Variants in DOCK6 observed in about 807,000 individuals in gnomAD.
DOCK6 encodes the protein dedicator of cytokinesis protein 6.
Under a neutral mutation model 230.3 loss-of-function variants are expected in DOCK6, and 167 were observed. The ratio of observed to expected loss-of-function variants is 0.73; its 90% CI spans 0.64 to 0.82. The LOEUF is 0.82. Ranked by LOEUF, DOCK6 falls within the 40% of genes least tolerant of loss-of-function variation. The probability of loss-of-function intolerance (pLI) is 0.00; values close to 1 mark genes in which losing one functional copy is unlikely to be tolerated. For missense variants in DOCK6, 2,598 were observed against 2,825.8 expected (o/e 0.92, Z 1.83); for synonymous variants, 1,148 against 1,185.0 (o/e 0.97, Z 0.64).
In DOCK6 at chr19:11,250,855, T is replaced by A. The variant is rs200387573; in HGVS notation, c.720+19A>T. ...CCCAGTAAATGCTGGTTGGCTGATA[T>A]CTGGGAAGGGGCACCCACCTCGTCA... On this transcript the variant is annotated intron_variant, in intron 6 of 47. Coordinates refer to ENST00000294618, the MANE Select transcript of DOCK6 (RefSeq NM_020812.4). 2 of 1,590,906 alleles carry A rather than the reference T, an allele frequency of 1.3e-6. No homozygotes were observed. Among genetic ancestry groups the A allele is most frequent in the African/African-American group, 2.7e-5 (2 of 74,598 alleles).
chr19:11,202,569 A>T lies in DOCK6; in HGVS notation c.5361+15T>A, dbSNP rs368317600. On this transcript the variant is annotated intron_variant, in intron 42 of 47. Transcript: ENST00000294618. This position sits in a 1 kb window ranked among gnomAD's most constrained non-coding sequence, Gnocchi z 5.3. ...AGCCCCATGCCCCGTTCCACCCCCA[A>T]CCACAAGGACGTGCCTCCAGCCGGT... 12 of 1,613,758 alleles carry T rather than the reference A, an allele frequency of 7.4e-6. No homozygotes were observed. Among genetic ancestry groups the T allele is most frequent in the Non-Finnish European group, 1.0e-5 (12 of 1,179,876 alleles).
intron 37 of DOCK6, 32 bp from the exon 38 acceptor site, chr19:11,209,135 G>C (rs2079318500): frequency 1.3e-6 from 2 of 1,592,792 alleles, no homozygotes; most frequent in Admixed American, 1.7e-5. Flanking sequence ...ATGTGAGGAG[G>C]GGACTCACCT....
chr19:11,240,222 A>G (rs371470325), intron 14 of DOCK6: 2 of 1,571,328 alleles, frequency 1.3e-6, no homozygotes, highest in Non-Finnish European at 1.7e-6. Context: ...GCTACGGGAC[A>G]GCGTGCAGCG....
chr19:11,253,723 C>T lies in DOCK6; in HGVS notation c.48G>A (p.Thr16=), dbSNP rs1465149614. Residue 16 remains threonine (T), a synonymous_variant, in exon 2 of 48, where the codon ACG becomes ACA. Transcript: ENST00000294618. ...CCTGCTTCCGCACCTCTGCGGCCACCGTCCTGGAAAGATAGGGAGGGGGCC... is the reference window on the plus strand; with the variant it reads ...CCTGCTTCCGCACCTCTGCGGCCACTGTCCTGGAAAGATAGGGAGGGGGCC... ...RRAFAHKINR[T]VAAEVRKQVS... is the part of the protein sequence containing the mutation. 49 of 1,472,466 alleles carry T rather than the reference C, an allele frequency of 3.3e-5. No individual in the cohort carries two copies. The Middle Eastern group carries it at 7.0e-4, about 21-fold the overall frequency. 91.2% of individuals were successfully genotyped at this position (1,472,466 alleles called of 1,614,324 possible).
chr19:11,218,766 C>T (rs980265773), intron 28 of DOCK6, among the ~76,000 whole-genome samples: 4 of 149,772 alleles, frequency 2.7e-5, no homozygotes, highest in Non-Finnish European at 5.9e-5. Flanking sequence ...ATTACTATAG[C>T]ATCAATCAGC....
Position 11,240,440 on chromosome 19 carries a change from T to A in DOCK6, c.1643+1605A>T, listed in dbSNP as rs2079925029. 8.5e-6 allele frequency: 7 copies of A among 824,340 alleles called. No individual in the cohort carries two copies. In the South Asian group the frequency reaches 1.5e-4, roughly 18 times the overall value. The allele number at this position is 824,340 out of a possible 1,614,324, so 51.1% of individuals were successfully genotyped here. A position where few individuals can be genotyped will look rare whatever the true frequency, so the allele number is the denominator to read the frequency against. On this transcript the variant is annotated intron_variant, in intron 14 of 47. Transcript: ENST00000294618. Reference sequence around the variant, plus strand: ...TGCATGTCCCCAGACAAAACTCAAGTCCTTTTGTGTGCCTCAGTTTCCCTT... The same window carrying A: ...TGCATGTCCCCAGACAAAACTCAAGACCTTTTGTGTGCCTCAGTTTCCCTT...
intron 14 of DOCK6, chr19:11,241,345 C>G (rs1363732103): frequency 1.4e-6 from 1 of 735,306 alleles, no homozygotes; most frequent in African/African-American, 1.8e-5. Context: ...GCATTGTTGA[C>G]TTGCTGGGTC....
At chr19:11,218,814 A>G (rs936516507) in intron 28 of DOCK6, among the ~76,000 whole-genome samples, 12 of 150,430 alleles carry the variant, frequency 8.0e-5, no homozygotes, top group African/African-American at 2.9e-4. Context: ...ATGCTGTTCT[A>G]AGGACTTTAA....
chr19:11,214,790 T>C, intron 32 of DOCK6, 141 bp from the exon 33 acceptor site: 1 of 734,084 alleles, frequency 1.4e-6, no homozygotes. Context: ...TTTTTTGTTT[T>C]CTGAGACAGG....
rs145081732 is a variant in DOCK6, at chr19:11,221,884, G to A, written c.3517C>T (p.Arg1173Trp). ...ELYLPLLSIA[R>W]DTLPRLHDFA... ...TCATGCAGCCGTGGCAAGGTATCCC[G>A]TGCAATCGATAGCAGTGGCAGGTAC... The change falls in exon 28 of 48, where the codon CGG (arginine) becomes TGG (tryptophan). Residue 1173 changes from arginine (R) to tryptophan (W), a missense_variant. By Grantham distance (101) the Arg-to-Trp change is moderately radical. Transcript: ENST00000294618. The A allele has an allele frequency of 2.5e-3, 4,080 of 1,613,782 alleles. 8 individuals are homozygous for A. The highest frequency in any genetic ancestry group is 8.4e-3 in the Middle Eastern group (51 of 6,062).
chr19:11,214,622 G>C lies in DOCK6; in HGVS notation c.4134C>G (p.Ala1378=). The C allele has an allele frequency of 6.2e-7, 1 of 1,613,810 alleles. No homozygotes were observed. The highest frequency in any genetic ancestry group is 8.5e-7 in the Non-Finnish European group (1 of 1,179,870). ...CGGTTGCCAGGTTCCCTTCCACCAA[G>C]GCCTCGTGTTCCATTTCATCCTTGG... The part of the protein sequence containing the change: ...DKTKDEMEHE[A]LVEGNLATEA... The change falls in exon 33 of 48, where the codon GCC becomes GCG. Residue 1378 remains alanine, a synonymous_variant. Coordinates refer to ENST00000294618, the MANE Select transcript of DOCK6 (RefSeq NM_020812.4).
chr19:11,227,570 G>A (rs986619120), intron 23 of DOCK6, 93 bp from the exon 24 acceptor site: 3 of 1,452,766 alleles, frequency 2.1e-6, no homozygotes, highest in African/African-American at 2.9e-5. Context: ...GCTGTGGGTG[G>A]GGCTTGAAGG....
chr19:11,221,542 G>C, intron 28 of DOCK6: 1 of 313,792 alleles, frequency 3.2e-6, no homozygotes, highest in Non-Finnish European at 5.9e-6. Context: ...GCTCTTCTTA[G>C]AAAATAATAA....
At chr19:11,214,497 C>G (rs2079446855) in intron 33 of DOCK6, 56 bp downstream of exon 33, 1 of 1,613,280 alleles carries the variant, frequency 6.2e-7, no homozygotes, top group African/African-American at 1.3e-5. Context: ...AGTCAGAGAC[C>G]ACAGGGCACT....
Position 11,245,857 on chromosome 19 carries a change from G to A in DOCK6, c.828C>T (p.Pro276=). Residue 276 remains proline (P), a synonymous_variant, in exon 8 of 48, where the codon CCC becomes CCT. Coordinates refer to ENST00000294618, the MANE Select transcript of DOCK6 (RefSeq NM_020812.4). The part of the protein sequence containing the change: ...LSLKFEIEIE[P]IFGILALYDV... ...CATACAGAGCCAAGATCCCAAAGAT[G>A]GGCTCAATTTCAATCTCGAACCTAC... The A allele has an allele frequency of 1.9e-6, 3 of 1,567,860 alleles. No individual in the cohort carries two copies. Among genetic ancestry groups the A allele is most frequent in the Non-Finnish European group, 2.6e-6 (3 of 1,155,938 alleles).
At chr19:11,239,221 C>T (rs933396920) in intron 14 of DOCK6, among the ~76,000 whole-genome samples, 4 of 152,184 alleles carry the variant, frequency 2.6e-5, no homozygotes, top group Non-Finnish European at 5.9e-5. Context: ...TAAAAGCCCC[C>T]ACGTGGCAAG....
chr19:11,249,155 T>C (rs2080079262), intron 6 of DOCK6, among the ~76,000 whole-genome samples: 1 of 152,180 alleles, frequency 6.6e-6, no homozygotes, highest in Admixed American at 6.6e-5. Context: ...ATTCATGTAT[T>C]GAATAAATAT....
At chr19:11,210,688 C>G (rs1423534169) in intron 37 of DOCK6, among the ~76,000 whole-genome samples, 2 of 149,916 alleles carry the variant, frequency 1.3e-5, no homozygotes, top group African/African-American at 2.5e-5. Flanking sequence ...CTGTCCACCC[C>G]TTTACCTATC....
chr19:11,217,837 T>C (rs1223205961), intron 28 of DOCK6, among the ~76,000 whole-genome samples: 1 of 151,882 alleles, frequency 6.6e-6, no homozygotes, highest in Non-Finnish European at 1.5e-5. Flanking sequence ...TGGAATTCAC[T>C]TATTTTACTT....
Sources: gnomAD v4.1 joint callset for allele counts (sites outside exome capture counted in the v4.1 genomes callset) on GRCh38, gnomAD v4.1.1 for gene constraint, Gnocchi (gnomAD v3.1) non-coding constraint, MANE v1.5 for transcripts, NCBI Gene and HGNC (gene_info 2026-07-23, HGNC 2026-07-21) for gene names.